Variants in PRR5L observed in about 807,000 individuals in gnomAD.
PRR5L encodes proline rich 5 like.
In PRR5L, 21 loss-of-function variants were observed where a neutral mutation model predicts 36.4. That is an observed-to-expected ratio of 0.58 (90% CI 0.41 to 0.83). PRR5L has a LOEUF of 0.83. Among genes scored for constraint, PRR5L ranks in the 40% least tolerant of loss-of-function variants. PRR5L has a pLI of 0.00. For missense variants in PRR5L, 381 were observed against 473.3 expected, an observed-to-expected ratio of 0.80 and a Z score of 1.81; for synonymous variants, 188 against 197.0, an observed-to-expected ratio of 0.95 and a Z score of 0.38.
At chr11:36,446,609 G>C (rs926467127) in intron 7 of PRR5L, among the ~76,000 whole-genome samples, 169 bp downstream of exon 7, 3 of 152,146 alleles carry the variant, frequency 2.0e-5, no homozygotes, top group African/African-American at 4.8e-5. Context: ...GTTCATTTGA[G>C]GTGCATTCAC....
rs549590500 is a variant in PRR5L at position 36,340,509 on chromosome 11, C to T, written c.-126+44071C>T. ...CGAAGTGCTTTACTTTTTATCACTG[C>T]AGCCAATTTGGGAAGAGGTACTGTT... On this transcript the variant is annotated intron_variant, in intron 1 of 8. Coordinates refer to ENST00000530639, the MANE Select transcript of PRR5L (RefSeq NM_001160167.2). Among the ~76,000 whole-genome samples, 4 of 152,322 alleles carry T rather than the reference C, an allele frequency of 2.6e-5. No individual in the cohort carries two copies. In the East Asian group the frequency reaches 7.7e-4, roughly 29 times the overall value.
At chr11:36,436,108 G>A (rs1218186393) in intron 5 of PRR5L, among the ~76,000 whole-genome samples, 1 of 152,158 alleles carries the variant, frequency 6.6e-6, no homozygotes, top group East Asian at 1.9e-4. Flanking sequence ...TGGACCTCCT[G>A]GCTACTAGTC....
intron 1 of PRR5L, among the ~76,000 whole-genome samples, chr11:36,366,103 A>T (rs1057299134): frequency 6.6e-6 from 1 of 152,212 alleles, no homozygotes; most frequent in Admixed American, 6.5e-5. Flanking sequence ...GGAGGTCAAG[A>T]TGACTGAAGA....
chr11:36,393,691 TG>T (rs1857603844), intron 1 of PRR5L, among the ~76,000 whole-genome samples: 1 of 152,238 alleles, frequency 6.6e-6, no homozygotes, highest in Non-Finnish European at 1.5e-5. Context: ...AATTTTAGGA[TG>T]TTTTTTCTAT....
chr11:36,320,154 A>T (rs1856598812), intron 1 of PRR5L, among the ~76,000 whole-genome samples: 2 of 151,590 alleles, frequency 1.3e-5, no homozygotes, highest in Non-Finnish European at 2.9e-5. Flanking sequence ...CTCTGCCCCT[A>T]CTGGCTGTGT....
chr11:36,450,439 T>G (rs1469233584), intron 7 of PRR5L, among the ~76,000 whole-genome samples: 1 of 152,190 alleles, frequency 6.6e-6, no homozygotes, highest in Non-Finnish European at 1.5e-5. Context: ...GAAGCTGAAC[T>G]CCCCAGGAGT....
intron 4 of PRR5L, among the ~76,000 whole-genome samples, chr11:36,427,312 A>G (rs1590576573): frequency 6.6e-6 from 1 of 152,084 alleles, no homozygotes; most frequent in Non-Finnish European, 1.5e-5. Flanking sequence ...TTAAGTAACA[A>G]TGGGCCCAGT....
intron 1 of PRR5L, among the ~76,000 whole-genome samples, chr11:36,330,248 A>G (rs1389782924): frequency 6.6e-6 from 1 of 152,218 alleles, no homozygotes; most frequent in Non-Finnish European, 1.5e-5. Flanking sequence ...GAGAAAAGAG[A>G]AAGGGGTTCC....
intron 1 of PRR5L, among the ~76,000 whole-genome samples, chr11:36,296,801 A>G (rs560077139): frequency 6.6e-6 from 1 of 152,230 alleles, no homozygotes; most frequent in Non-Finnish European, 1.5e-5. Context: ...CTCTCATTGA[A>G]TGAATAGTAA....
intron 1 of PRR5L, among the ~76,000 whole-genome samples, chr11:36,351,348 TAATAA>T (rs1856945997): frequency 2.3e-5 from 2 of 87,232 alleles, no homozygotes; most frequent in African/African-American, 4.8e-5. Flanking sequence ...TTATAATATA[TAATAA>T]ATATATATAA....
chr11:36,360,379 A>C (rs1419996555), intron 1 of PRR5L, among the ~76,000 whole-genome samples: 7 of 152,188 alleles, frequency 4.6e-5, no homozygotes, highest in Admixed American at 4.6e-4. Context: ...TAACTCAGCA[A>C]ATGCTTAGAG....
chr11:36,321,618 G>T (rs569301937), intron 1 of PRR5L: 19 of 152,384 alleles, frequency 1.2e-4, no homozygotes, highest in African/African-American at 4.6e-4. Flanking sequence ...AAGAAACAAA[G>T]ATTGGCAAAG....
Position 36,462,409 on chromosome 11 carries a change from C to G in PRR5L, c.780C>G (p.Val260=). 6.4e-7 allele frequency: 1 copy of G among 1,571,936 alleles called. No individual in the cohort carries two copies. Among genetic ancestry groups the G allele is most frequent in the Non-Finnish European group, 8.6e-7 (1 of 1,156,584 alleles). ...VLNYASPITA[V]SRPLNEMVLT... ...ACTATGCCTCCCCGATAACCGCAGT[C>G]AGCCGGCCACTGAATGAGATGGTCT... Residue 260 remains valine, a synonymous_variant, in exon 9 of 9, where the codon GTC becomes GTG. Coordinates refer to ENST00000530639, the MANE Select transcript of PRR5L (RefSeq NM_001160167.2).
rs56382232 is a variant in PRR5L, at chr11:36,344,555, T to C, written c.-126+48117T>C. Among the ~76,000 whole-genome samples the C allele has an allele frequency of 6.6e-6, 1 of 152,244 alleles. No homozygotes were observed. The highest frequency in any genetic ancestry group is 1.5e-5 in the Non-Finnish European group (1 of 68,044). ...TCAATAACAACAAAACGGCCATCTC[T>C]GAAGGTGATTTTTGTTTATATTTCT... On this transcript the variant is annotated intron_variant, in intron 1 of 8. Transcript: ENST00000530639. This position sits in a 1 kb window ranked among gnomAD's most constrained non-coding sequence, Gnocchi z 4.1.
intron 1 of PRR5L, among the ~76,000 whole-genome samples, chr11:36,348,100 T>C (rs1856885654): frequency 6.6e-6 from 1 of 152,144 alleles, no homozygotes; most frequent in Admixed American, 6.5e-5. Flanking sequence ...TTGGCTTGGT[T>C]CTTATTATTG....
At position 36,378,649 on chromosome 11, in the gene PRR5L, T is replaced by C. The variant is rs372315171; in HGVS notation, c.-125-22348T>C. 8.5e-5 allele frequency among the ~76,000 whole-genome samples: 13 copies of C among 152,314 alleles called. No individual in the cohort carries two copies. The East Asian group carries it at 1.7e-3, about 20-fold the overall frequency. On this transcript the variant is annotated intron_variant, in intron 1 of 8. Transcript: ENST00000530639. ...ATGGATATATATTTATTTCTGTGGG[T>C]GAAATTTCAATAATGTTCTGTCTTA... is the stretch of plus-strand genomic sequence containing the variant.
chr11:36,349,580 C>A (rs977551360), intron 1 of PRR5L, among the ~76,000 whole-genome samples: 1 of 152,140 alleles, frequency 6.6e-6, no homozygotes, highest in South Asian at 2.1e-4. Flanking sequence ...TCTGGAATCC[C>A]GTGGTGCCCG....
chr11:36,330,889 T>C (rs1032405819), intron 1 of PRR5L, among the ~76,000 whole-genome samples: 1 of 151,836 alleles, frequency 6.6e-6, no homozygotes, highest in Non-Finnish European at 1.5e-5. Flanking sequence ...CATTGCAACC[T>C]TCACCTCCTG....
intron 1 of PRR5L, among the ~76,000 whole-genome samples, chr11:36,343,083 G>C (rs1856832209): frequency 6.6e-6 from 1 of 152,150 alleles, no homozygotes; most frequent in African/African-American, 2.4e-5. Flanking sequence ...TAGCATGAAG[G>C]GCTGACGATC....
Sources: allele counts gnomAD v4.1 joint callset (sites outside exome capture counted in the v4.1 genomes callset), GRCh38; gene constraint gnomAD v4.1.1; non-coding constraint Gnocchi (gnomAD v3.1); transcripts MANE v1.5; gene names NCBI Gene and HGNC (gene_info 2026-07-23, HGNC 2026-07-21).